BTBD7: variants seen among roughly 807,000 people sequenced by gnomAD.
The protein encoded by BTBD7 is BTB/POZ domain-containing protein 7.
Under a neutral mutation model 99.9 loss-of-function variants are expected in BTBD7, and 38 were observed. That is an observed-to-expected ratio of 0.38 (90% CI 0.29 to 0.50). The LOEUF (loss-of-function observed/expected upper bound fraction) is 0.50. Among genes scored for constraint, BTBD7 ranks in the 20% least tolerant of loss-of-function variants. The probability of loss-of-function intolerance (pLI) is 0.93; values close to 1 mark genes in which losing one functional copy is unlikely to be tolerated. For synonymous variants in BTBD7, 520 were observed against 511.4 expected (o/e 1.02, Z -0.23); for missense variants, 1,170 against 1,394.6 (o/e 0.84, Z 2.57).
chr14:93,242,076 G>A lies in BTBD7; in HGVS notation c.*197C>T. ...TAATTGTTCAAAGACAAATTAGACA[G>A]ATGCAACATTAAAAAAAAAAAACAA... On this transcript the variant is annotated 3_prime_UTR_variant, in exon 11 of 11. Transcript: ENST00000334746. 1.8e-6 allele frequency: 1 copy of A among 558,110 alleles called. No homozygotes were observed. The highest frequency in any genetic ancestry group is 3.1e-6 in the Non-Finnish European group (1 of 320,246). The allele number at this position is 558,110 out of a possible 1,614,324, so 34.6% of individuals were successfully genotyped here.
At position 93,293,967 on chromosome 14, in the gene BTBD7, G is replaced by C. The variant is rs2052889193; in HGVS notation, c.1053C>G (p.Leu351=). The C allele has an allele frequency of 6.2e-7, 1 of 1,613,724 alleles. No individual in the cohort carries two copies. Residue 351 remains leucine (L), a synonymous_variant, in exon 3 of 11, where the codon CTC becomes CTG. Transcript: ENST00000334746. ...CTGCGACGAGAGCCTGAACTTCACT[G>C]AGACTCCCCACAGAGGGGCTACAGT... The part of the protein sequence containing the change: ...VLHCSPSVGS[L]SEVQALVAGK...
At chr14:93,283,098 G>C (rs559618897) in intron 3 of BTBD7, among the ~76,000 whole-genome samples, 1 of 152,152 alleles carries the variant, frequency 6.6e-6, no homozygotes, top group Non-Finnish European at 1.5e-5. Context: ...TTTGTTTTGA[G>C]ACATGGTCTG....
chr14:93,294,505 G>A lies in BTBD7; in HGVS notation c.515C>T (p.Ser172Phe). ...CTCTGCCCCATACTCTGGTGAGGAA[G>A]AAAGCAGTGTTTTAAAAAATGGACA... ...ARCPFFKTLLSSSPEYGAEII... is the reference protein window; with the variant it reads ...ARCPFFKTLLFSSPEYGAEII... The change falls in exon 3 of 11, where the codon TCT becomes TTT. Residue 172 changes from serine (S) to phenylalanine (F), a missense_variant. Physicochemically the swap from Ser to Phe is radical, Grantham distance 155 (BLOSUM62 -2). Transcript: ENST00000334746. The A allele has an allele frequency of 1.9e-6, 3 of 1,614,098 alleles. No homozygotes were observed. The highest frequency in any genetic ancestry group is 2.5e-6 in the Non-Finnish European group (3 of 1,180,014).
chr14:93,319,343 T>C (rs777493313), intron 1 of BTBD7, among the ~76,000 whole-genome samples: 1 of 151,982 alleles, frequency 6.6e-6, no homozygotes, highest in East Asian at 1.9e-4. Flanking sequence ...TTAATAGATA[T>C]CACAACAGCC....
At chr14:93,260,552 C>T (rs2052475528) in intron 5 of BTBD7, among the ~76,000 whole-genome samples, 1 of 150,924 alleles carries the variant, frequency 6.6e-6, no homozygotes, top group Admixed American at 6.6e-5. Context: ...CCTTCCACAA[C>T]ATTTTTTTTT....
chr14:93,296,184 T>C, intron 1 of BTBD7, 27 bp from the exon 2 acceptor site: 1 of 1,284,080 alleles, frequency 7.8e-7, no homozygotes, highest in Non-Finnish European at 9.9e-7. Flanking sequence ...AATAATTTAA[T>C]TCATTTTTTC....
At chr14:93,317,722 GGA>G (rs1369299857) in intron 1 of BTBD7, among the ~76,000 whole-genome samples, 1 of 152,164 alleles carries the variant, frequency 6.6e-6, no homozygotes, top group East Asian at 1.9e-4. Flanking sequence ...TTGGATTTTG[GGA>G]GTGTTCCCAT....
intron 3 of BTBD7, among the ~76,000 whole-genome samples, chr14:93,286,000 C>T (rs997074481): frequency 6.6e-6 from 1 of 152,136 alleles, no homozygotes; most frequent in African/African-American, 2.4e-5. Context: ...AACATGGAAG[C>T]CCAGTGAAGA....
intron 1 of BTBD7, among the ~76,000 whole-genome samples, chr14:93,321,550 G>GC (rs1159253207): frequency 1.3e-5 from 2 of 152,154 alleles, no homozygotes; most frequent in African/African-American, 4.8e-5. Flanking sequence ...CTGAGATCGC[G>GC]CCATGGCACT....
At chr14:93,321,933 A>T (rs1015758920) in intron 1 of BTBD7, among the ~76,000 whole-genome samples, 2 of 152,204 alleles carry the variant, frequency 1.3e-5, no homozygotes, top group East Asian at 3.9e-4. Context: ...ATAATGCTCC[A>T]AACAGCAGTG....
At chr14:93,275,433 T>G (rs2052644156) in intron 3 of BTBD7, among the ~76,000 whole-genome samples, 1 of 152,238 alleles carries the variant, frequency 6.6e-6, no homozygotes, top group African/African-American at 2.4e-5. Context: ...GTTGTAGTTT[T>G]CTGTGTTTTG....
intron 1 of BTBD7, among the ~76,000 whole-genome samples, chr14:93,303,600 A>G (rs2053031763): frequency 6.6e-6 from 1 of 152,240 alleles, no homozygotes; most frequent in Non-Finnish European, 1.5e-5. Context: ...ATGTTAAAAT[A>G]TTCTTTAAAA....
Position 93,298,837 on chromosome 14 carries a change from G to C in BTBD7, c.-106-2680C>G, listed in dbSNP as rs112032337. On this transcript the variant is annotated intron_variant, in intron 1 of 10. Transcript: ENST00000334746. ...ATCAATGGCCCCACTGGAGAAACAA[G>C]AACAAGTTGCAAACACTAGGGAAGT... is the stretch of plus-strand genomic sequence containing the variant. Among the ~76,000 whole-genome samples, 1,028 of 152,308 alleles carry C rather than the reference G, an allele frequency of 6.7e-3. 4 individuals carry two copies. Among genetic ancestry groups the C allele is most frequent in the Non-Finnish European group, 8.3e-3 (566 of 68,030 alleles).
chr14:93,277,540 C>T (rs2052669776), intron 3 of BTBD7, among the ~76,000 whole-genome samples: 1 of 152,158 alleles, frequency 6.6e-6, no homozygotes, highest in African/African-American at 2.4e-5. Flanking sequence ...AAACCCAATT[C>T]CAATTCTCTT....
intron 3 of BTBD7, among the ~76,000 whole-genome samples, chr14:93,264,245 A>C (rs921398630): frequency 6.6e-6 from 1 of 152,208 alleles, no homozygotes; most frequent in East Asian, 1.9e-4. Flanking sequence ...CAAGATAATA[A>C]ACATCTATGT....
At chr14:93,296,438 A>G (rs543706879) in intron 1 of BTBD7, among the ~76,000 whole-genome samples, 3 of 152,252 alleles carry the variant, frequency 2.0e-5, no homozygotes, top group Non-Finnish European at 4.4e-5. Flanking sequence ...ATTTGAAAAC[A>G]CAGGGAAAAG....
Position 93,245,831 on chromosome 14 carries a change from C to T in BTBD7, c.2577G>A (p.Lys859=), listed in dbSNP as rs1216431199. The T allele has an allele frequency of 6.2e-7, 1 of 1,611,570 alleles. No individual in the cohort carries two copies. The part of the protein sequence containing the change: ...ATAAAAAASE[K]QVRTQPVLND... ...TACTGAAGTGTTGACTTACCACTTGCTTCTCAGATGCTGCTGCTGCTGCTG... is the reference window on the plus strand; with the variant it reads ...TACTGAAGTGTTGACTTACCACTTGTTTCTCAGATGCTGCTGCTGCTGCTG... Residue 859 remains lysine (K), a synonymous_variant, in exon 10 of 11, where the codon AAG becomes AAA. Coordinates refer to ENST00000334746, the MANE Select transcript of BTBD7 (RefSeq NM_001002860.4).
chr14:93,326,056 CA>C (rs2053327110), intron 1 of BTBD7, among the ~76,000 whole-genome samples: 1 of 151,918 alleles, frequency 6.6e-6, no homozygotes, highest in Admixed American at 6.6e-5. Context: ...AAAACAAAAA[CA>C]AAAAACCACC....
intron 1 of BTBD7, among the ~76,000 whole-genome samples, chr14:93,309,625 C>T (rs1053369954): frequency 6.6e-6 from 1 of 151,976 alleles, no homozygotes; most frequent in African/African-American, 2.4e-5. Context: ...TATTACTCAA[C>T]CCTTAAGTCT....
Sources: gnomAD v4.1 joint callset for allele counts (sites outside exome capture counted in the v4.1 genomes callset) on GRCh38, gnomAD v4.1.1 for gene constraint, MANE v1.5 for transcripts, NCBI Gene and HGNC (gene_info 2026-07-23, HGNC 2026-07-21) for gene names.